TAFA1: variants seen among roughly 807,000 people sequenced by gnomAD.
TAFA1 encodes the protein TAFA chemokine like family member 1.
Under a neutral mutation model 18.5 loss-of-function variants are expected in TAFA1, and 4 were observed. The ratio of observed to expected loss-of-function variants is 0.22; its 90% CI spans 0.11 to 0.49. The LOEUF is 0.49. Among genes scored for constraint, TAFA1 ranks in the 20% least tolerant of loss-of-function variants. TAFA1 has a pLI of 0.98. For synonymous variants in TAFA1, 56 were observed against 55.2 expected, an observed-to-expected ratio of 1.01 and a Z score of -0.06; for missense variants, 147 against 169.0, an observed-to-expected ratio of 0.87 and a Z score of 0.72.
At chr3:68,187,200 C>G (rs751571797) in intron 2 of TAFA1, among the ~76,000 whole-genome samples, 1 of 151,840 alleles carries the variant, frequency 6.6e-6, no homozygotes, top group Non-Finnish European at 1.5e-5. Flanking sequence ...TTGACATCAC[C>G]TTCTGTTTAT....
chr3:68,110,753 G>C (rs1292607617), intron 2 of TAFA1, among the ~76,000 whole-genome samples: 1 of 152,122 alleles, frequency 6.6e-6, no homozygotes, highest in Non-Finnish European at 1.5e-5. Context: ...ATAAACTATG[G>C]CTATCTTCCT....
intron 2 of TAFA1, among the ~76,000 whole-genome samples, chr3:68,401,944 T>A (rs2070501912): frequency 6.6e-6 from 1 of 152,214 alleles, no homozygotes; most frequent in South Asian, 2.1e-4. Flanking sequence ...TAGAAATAAC[T>A]AATAACATTA....
chr3:68,037,185 C>T (rs941560343), intron 2 of TAFA1, among the ~76,000 whole-genome samples: 5 of 152,022 alleles, frequency 3.3e-5, no homozygotes, highest in African/African-American at 7.2e-5. Flanking sequence ...GTGTTCCAGA[C>T]AGAAGAAAGA....
At chr3:68,455,785 T>C (rs1340002378) in intron 3 of TAFA1, among the ~76,000 whole-genome samples, 2 of 152,202 alleles carry the variant, frequency 1.3e-5, no homozygotes, top group African/African-American at 4.8e-5. Flanking sequence ...TGTTCCAGGA[T>C]TGATAGCTTT....
chr3:68,269,785 A>T (rs2067626763), intron 2 of TAFA1, among the ~76,000 whole-genome samples: 1 of 152,216 alleles, frequency 6.6e-6, no homozygotes, highest in Admixed American at 6.5e-5. Context: ...AACAGGTAAC[A>T]TTTTTAAAAA....
At chr3:68,503,683 A>T (rs1386889525) in intron 3 of TAFA1, among the ~76,000 whole-genome samples, 3 of 152,136 alleles carry the variant, frequency 2.0e-5, no homozygotes, top group Non-Finnish European at 4.4e-5. Context: ...AGTTTTAGTT[A>T]TGTGAATTTT....
intron 2 of TAFA1, among the ~76,000 whole-genome samples, chr3:68,338,066 G>A (rs1353335116): frequency 6.6e-6 from 1 of 152,198 alleles, no homozygotes; most frequent in Non-Finnish European, 1.5e-5. Flanking sequence ...ATTTGTTTTT[G>A]CAGTACAAGG....
intron 2 of TAFA1, among the ~76,000 whole-genome samples, chr3:68,023,293 G>A (rs767366111): frequency 6.6e-6 from 1 of 152,126 alleles, no homozygotes; most frequent in African/African-American, 2.4e-5. Context: ...GGTGGGGGCT[G>A]TGCTCTACAT....
chr3:68,474,420 A>G (rs1238901412), intron 3 of TAFA1, among the ~76,000 whole-genome samples: 2 of 152,210 alleles, frequency 1.3e-5, no homozygotes, highest in Non-Finnish European at 2.9e-5. Context: ...ACTAAGAGCT[A>G]TGGTGAGTTG....
chr3:68,203,982 G>C (rs2066497485), intron 2 of TAFA1, among the ~76,000 whole-genome samples: 1 of 104,532 alleles, frequency 9.6e-6, no homozygotes, highest in Admixed American at 1.4e-4. Flanking sequence ...ACATCCCCTT[G>C]TAGTTTTTAG....
intron 2 of TAFA1, among the ~76,000 whole-genome samples, chr3:68,366,743 C>G (rs992436199): frequency 4.6e-5 from 7 of 152,158 alleles, no homozygotes; most frequent in African/African-American, 1.4e-4. Context: ...AATGATTTTA[C>G]TCATCTAGGT....
chr3:68,166,633 C>T (rs1442904327), intron 2 of TAFA1, among the ~76,000 whole-genome samples: 2 of 152,116 alleles, frequency 1.3e-5, no homozygotes, highest in African/African-American at 4.8e-5. Flanking sequence ...TAACAGTGTG[C>T]AATATACAGC....
At chr3:68,133,885 G>A (rs1279788715) in intron 2 of TAFA1, among the ~76,000 whole-genome samples, 1 of 151,932 alleles carries the variant, frequency 6.6e-6, no homozygotes, top group East Asian at 1.9e-4. Context: ...ATGAGAAAAG[G>A]GTAGTTCTAA....
At chr3:68,391,372 C>A (rs2070242084) in intron 2 of TAFA1, among the ~76,000 whole-genome samples, 1 of 151,974 alleles carries the variant, frequency 6.6e-6, no homozygotes, top group Non-Finnish European at 1.5e-5. Context: ...TGTGAAAAGA[C>A]CAGACCTATG....
At chr3:68,076,429 G>A (rs1226983580) in intron 2 of TAFA1, among the ~76,000 whole-genome samples, 3 of 150,886 alleles carry the variant, frequency 2.0e-5, no homozygotes, top group Non-Finnish European at 3.0e-5. Flanking sequence ...CTAGCATTAG[G>A]TATATCTCCC....
At chr3:68,060,069 G>GA (rs200208040) in intron 2 of TAFA1, among the ~76,000 whole-genome samples, 1,780 of 145,354 alleles carry the variant, frequency 0.012, 10 homozygotes, top group Admixed American at 0.022. Context: ...CTTACTGAAG[G>GA]AAAAAAAAAA....
At chr3:68,518,511 T>A (rs1444393879) in intron 3 of TAFA1, among the ~76,000 whole-genome samples, 1 of 152,238 alleles carries the variant, frequency 6.6e-6, no homozygotes, top group Admixed American at 6.5e-5. Context: ...TATATTTAAT[T>A]GAACTGCATT....
At chr3:68,538,626 A>G (rs2073315005) in intron 3 of TAFA1, 130 bp from the exon 4 acceptor site, 2 of 768,206 alleles carry the variant, frequency 2.6e-6, no homozygotes, top group Admixed American at 2.5e-5. Context: ...GAGCTTTCTT[A>G]GCTAGTCATG....
chr3:68,113,888 G>GTTTTTTTT (rs1169442128), intron 2 of TAFA1, among the ~76,000 whole-genome samples: 2 of 57,862 alleles, frequency 3.5e-5, no homozygotes, highest in Admixed American at 2.9e-4. Context: ...TTGGGGTGTA[G>GTTTTTTTT]TTTTTTTTGT....
Sources: gnomAD v4.1 joint callset for allele counts (sites outside exome capture counted in the v4.1 genomes callset) on GRCh38, gnomAD v4.1.1 for gene constraint, MANE v1.5 for transcripts, NCBI Gene and HGNC (gene_info 2026-07-23, HGNC 2026-07-21) for gene names.